The following ZYG11A variants were observed in gnomAD, a reference collection of about 807,000 sequenced individuals.
ZYG11A encodes the protein protein zyg-11 homolog A.
In ZYG11A, 62 loss-of-function variants were observed where a neutral mutation model predicts 77.2. The observed-to-expected ratio is 0.80, with a 90% confidence interval of 0.65 to 0.99. The LOEUF (loss-of-function observed/expected upper bound fraction) is 0.99. ZYG11A is among the 50% of genes least tolerant of loss of function. The pLI is 0.00. For missense variants in ZYG11A, 828 were observed against 896.8 expected (o/e 0.92, Z 0.98); for synonymous variants, 315 against 324.6 (o/e 0.97, Z 0.32).
intron 11 of ZYG11A, among the ~76,000 whole-genome samples, chr1:52,884,493 C>CAAAA: frequency 1.0e-5 from 1 of 98,950 alleles, no homozygotes; most frequent in Non-Finnish European, 1.8e-5. Flanking sequence ...GAGACTGCCT[C>CAAAA]AAAAAAAAAA....
chr1:52,892,820 T>G lies in ZYG11A; in HGVS notation c.2143T>G (p.Leu715Val), dbSNP rs1471013557. The G allele has an allele frequency of 6.4e-7, 1 of 1,551,626 alleles. No homozygotes were observed. Among genetic ancestry groups the G allele is most frequent in the East Asian group, 2.4e-5 (1 of 40,894 alleles). Residue 715 changes from leucine to valine, a missense_variant, in exon 14 of 14, where the codon TTG becomes GTG. Transcript: ENST00000371528. ...CAAAATGTTAGTTGAAGAAGAAGGATTGCAGCTTTTGTGTGATATCCAGGA... is the reference window on the plus strand; with the variant it reads ...CAAAATGTTAGTTGAAGAAGAAGGAGTGCAGCTTTTGTGTGATATCCAGGA... ...YCKMLVEEEGLQLLCDIQEHS... is the reference protein window; with the variant it reads ...YCKMLVEEEGVQLLCDIQEHS...
Position 52,881,673 on chromosome 1 carries a change from A to C in ZYG11A, c.1944+8A>C. ...ACTCTTCTCCAAGATCTGGTACAGG[A>C]ACCACATTCTTATTTATAAAATCCA... On this transcript the variant is annotated splice_region_variant and intron_variant, in intron 11 of 13. Coordinates refer to ENST00000371528, the MANE Select transcript of ZYG11A (RefSeq NM_001004339.3). 6.5e-7 allele frequency: 1 copy of C among 1,533,646 alleles called. No homozygotes were observed. Among genetic ancestry groups the C allele is most frequent in the Non-Finnish European group, 8.8e-7 (1 of 1,135,940 alleles).
intron 2 of ZYG11A, 129 bp downstream of exon 2, chr1:52,854,759 CTCTT>C (rs1645777340): frequency 2.0e-6 from 2 of 984,034 alleles, no homozygotes; most frequent in African/African-American, 1.6e-5. Flanking sequence ...TTGAGACTCA[CTCTT>C]TCTGGGATTC....
At position 52,877,694 on chromosome 1, in the gene ZYG11A, A is replaced by G. The variant is rs1292891108; in HGVS notation, c.1555A>G (p.Ile519Val). The change falls in exon 9 of 14, where the codon ATA becomes GTA. Residue 519 changes from isoleucine (I) to valine (V), a missense_variant. Coordinates refer to ENST00000371528, the MANE Select transcript of ZYG11A (RefSeq NM_001004339.3). ...LFMAVKELLA[I>V]VKQKTTENLD... ...CTTTGGTTTTTAGGAACTTCTAGCAATAGTAAAACAAAAGACTACTGAGAA... is the reference window on the plus strand; with the variant it reads ...CTTTGGTTTTTAGGAACTTCTAGCAGTAGTAAAACAAAAGACTACTGAGAA... The G allele has an allele frequency of 4.5e-6, 7 of 1,548,318 alleles. No individual in the cohort carries two copies. The Admixed American group carries it at 6.0e-5, about 13-fold the overall frequency.
In ZYG11A at chr1:52,857,646, C is replaced by G; in HGVS notation, c.905C>G (p.Ala302Gly). The change falls in exon 3 of 14, where the codon GCT becomes GGT. Residue 302 changes from alanine (A) to glycine (G), a missense_variant. By Grantham distance (60) the Ala-to-Gly change is moderately conservative. Coordinates refer to ENST00000371528, the MANE Select transcript of ZYG11A (RefSeq NM_001004339.3). ...ISGGNCITDE[A>G]VELFIRLRPA... ...GGGGGCAATTGCATCACTGATGAAGCTGTAGAACTGTTTATACGACTGCGG... is the reference window on the plus strand; with the variant it reads ...GGGGGCAATTGCATCACTGATGAAGGTGTAGAACTGTTTATACGACTGCGG... 6.4e-7 allele frequency: 1 copy of G among 1,552,124 alleles called. No homozygotes were observed. Among genetic ancestry groups the G allele is most frequent in the Non-Finnish European group, 8.7e-7 (1 of 1,147,080 alleles).
intron 5 of ZYG11A, among the ~76,000 whole-genome samples, chr1:52,866,188 C>T (rs1466616846): frequency 2.0e-5 from 3 of 152,130 alleles, no homozygotes; most frequent in Non-Finnish European, 4.4e-5. Context: ...CCGCCTGCCT[C>T]TGCCTCCCAA....
chr1:52,859,619 G>A (rs1449538487), intron 3 of ZYG11A, among the ~76,000 whole-genome samples: 1 of 147,778 alleles, frequency 6.8e-6, no homozygotes, highest in Non-Finnish European at 1.5e-5. Flanking sequence ...ACAGGTGTGA[G>A]CCACCACGCC....
chr1:52,893,080 AT>A lies in ZYG11A; in HGVS notation c.*127del. ...CTGTCTCATTGGCCTTTGATTGTTG[AT>A]TTTATATATGTTACAAAAGGTTGGA... On this transcript the variant is annotated 3_prime_UTR_variant, in exon 14 of 14. Coordinates refer to ENST00000371528, the MANE Select transcript of ZYG11A (RefSeq NM_001004339.3). The A allele has an allele frequency of 1.2e-6, 1 of 835,986 alleles. No homozygotes were observed. Among genetic ancestry groups the A allele is most frequent in the East Asian group, 2.7e-5 (1 of 37,050 alleles). The allele number at this position is 835,986 out of a possible 1,614,324, so 51.8% of individuals were successfully genotyped here. A position where few individuals can be genotyped will look rare whatever the true frequency, so the allele number is the denominator to read the frequency against.
intron 2 of ZYG11A, among the ~76,000 whole-genome samples, chr1:52,856,437 C>T (rs1571842064): frequency 9.4e-6 from 1 of 106,118 alleles, no homozygotes; most frequent in Non-Finnish European, 1.7e-5. Flanking sequence ...GCCTGGGTGA[C>T]AGAGCAAGAC....
chr1:52,844,697 A>G (rs1271312176), intron 1 of ZYG11A, among the ~76,000 whole-genome samples: 1 of 151,526 alleles, frequency 6.6e-6, no homozygotes, highest in African/African-American at 2.4e-5. Context: ...ACTATTGTAA[A>G]TACTTTTTTT....
At position 52,893,365 on chromosome 1, in the gene ZYG11A, G is replaced by T. The variant is rs535375615; in HGVS notation, c.*408G>T. ...ATATTAAATTTCCTTTGTTGTTATC[G>T]TCATGTGAAGCTATGAGAAAAGCTT... On this transcript the variant is annotated 3_prime_UTR_variant, in exon 14 of 14. Transcript: ENST00000371528. 1 of 159,090 alleles carries T rather than the reference G, an allele frequency of 6.3e-6. No individual in the cohort carries two copies. Among genetic ancestry groups the T allele is most frequent in the African/African-American group, 2.4e-5 (1 of 41,528 alleles). The allele number at this position is 159,090 out of a possible 1,614,324, so 9.9% of individuals were successfully genotyped here. A position where few individuals can be genotyped will look rare whatever the true frequency, so the allele number is the denominator to read the frequency against.
chr1:52,872,905 G>GA (rs1430025805), intron 8 of ZYG11A, among the ~76,000 whole-genome samples: 1 of 137,460 alleles, frequency 7.3e-6, no homozygotes, highest in Admixed American at 7.1e-5. Context: ...AAAAAGAAAA[G>GA]AAAAGAAAGA....
intron 13 of ZYG11A, among the ~76,000 whole-genome samples, chr1:52,890,343 C>A (rs1242253): frequency 1.4e-5 from 2 of 142,410 alleles, no homozygotes; most frequent in African/African-American, 5.3e-5. Flanking sequence ...CAAGGGGTTC[C>A]CCTGCCTCAG....
intron 4 of ZYG11A, among the ~76,000 whole-genome samples, chr1:52,863,146 A>T (rs57908726): frequency 0.019 from 2,819 of 152,298 alleles, 57 homozygotes; most frequent in African/African-American, 0.063. Flanking sequence ...ACAAAAAAAA[A>T]GTCATTTTCC....
intron 10 of ZYG11A, 85 bp downstream of exon 10, chr1:52,878,054 ATTGT>A: frequency 8.9e-7 from 1 of 1,122,776 alleles, no homozygotes; most frequent in Non-Finnish European, 1.3e-6. Context: ...GCTAGGCAGT[ATTGT>A]AAGCAATTTA....
At chr1:52,862,179 A>C (rs1345113940) in intron 4 of ZYG11A, among the ~76,000 whole-genome samples, 2 of 151,820 alleles carry the variant, frequency 1.3e-5, no homozygotes, top group African/African-American at 4.8e-5. Flanking sequence ...ACTGCACTCC[A>C]GCCTGGGCGA....
At chr1:52,870,900 G>A (rs1324578514) in intron 8 of ZYG11A, among the ~76,000 whole-genome samples, 1 of 151,952 alleles carries the variant, frequency 6.6e-6, no homozygotes, top group Non-Finnish European at 1.5e-5. Context: ...GAGAGGGAGA[G>A]GGAGAGGGGA....
chr1:52,886,883 T>A, intron 12 of ZYG11A, 73 bp from the exon 13 acceptor site: 1 of 633,976 alleles, frequency 1.6e-6, no homozygotes, highest in Non-Finnish European at 2.7e-6. Flanking sequence ...AATTATATAG[T>A]ACAAATTATT....
In ZYG11A at chr1:52,860,770, C is replaced by T. The variant is rs756354840; in HGVS notation, c.1048C>T (p.Leu350=). Reference sequence around the variant, plus strand: ...CAGTATGAGTCAGATTTCAGAAGCACTGAGCCGATACAGGAACAGATCATG... The same window carrying T: ...CAGTATGAGTCAGATTTCAGAAGCATTGAGCCGATACAGGAACAGATCATG... ...GASMSQISEA[L]SRYRNRSCFV... is the part of the protein sequence containing the mutation. The change falls in exon 4 of 14, where the codon CTG becomes TTG. Residue 350 remains leucine (L), a synonymous_variant. Transcript: ENST00000371528. 1 of 1,551,658 alleles carries T rather than the reference C, an allele frequency of 6.4e-7. No individual in the cohort carries two copies. The highest frequency in any genetic ancestry group is 1.2e-5 in the South Asian group (1 of 84,064).
Sources: allele counts gnomAD v4.1 joint callset (sites outside exome capture counted in the v4.1 genomes callset), GRCh38; gene constraint gnomAD v4.1.1; transcripts MANE v1.5; gene names NCBI Gene and HGNC (gene_info 2026-07-23, HGNC 2026-07-21).